VPS52: variants seen among roughly 807,000 people sequenced by gnomAD.
VPS52 encodes the protein vacuolar protein sorting-associated protein 52 homolog.
Under a neutral mutation model 98.7 loss-of-function variants are expected in VPS52, and 56 were observed. That is an observed-to-expected ratio of 0.57 (90% CI 0.46 to 0.71). VPS52 has a LOEUF of 0.71. Among genes scored for constraint, VPS52 ranks in the 30% least tolerant of loss-of-function variants. The probability of loss-of-function intolerance (pLI) is 0.00; values close to 1 mark genes in which losing one functional copy is unlikely to be tolerated. For missense variants in VPS52, 742 were observed against 925.9 expected, an observed-to-expected ratio of 0.80 and a Z score of 2.58; for synonymous variants, 348 against 346.4, an observed-to-expected ratio of 1.00 and a Z score of -0.05.
chr6:33,257,483 C>T (rs995894359), intron 17 of VPS52, among the ~76,000 whole-genome samples: 1 of 152,066 alleles, frequency 6.6e-6, no homozygotes, highest in Non-Finnish European at 1.5e-5. Context: ...ACTGCATCCT[C>T]CACCTCCCTG....
chr6:33,253,241 G>T (rs1762522727), intron 17 of VPS52, among the ~76,000 whole-genome samples: 1 of 152,176 alleles, frequency 6.6e-6, no homozygotes, highest in Non-Finnish European at 1.5e-5. Flanking sequence ...TGTAATCCCA[G>T]CATTTTGGGA....
At position 33,269,074 on chromosome 6, in the gene VPS52, G is replaced by A; in HGVS notation, c.488C>T (p.Ala163Val). Reference protein sequence around the residue: ...AMNIRLRNRQAVRGKLGELVD... With the variant: ...AMNIRLRNRQVVRGKLGELVD... The stretch of plus-strand genomic sequence containing the variant: ...AAGCTCCCCAAGTTTCCCCCGAACT[G>A]CCTGGCGATTTCGAAGTCGAATGTT... The change falls in exon 6 of 20, where the codon GCA becomes GTA. Residue 163 changes from alanine to valine, a missense_variant. Physicochemically the swap from Ala to Val is moderately conservative, Grantham distance 64. Coordinates refer to ENST00000445902, the MANE Select transcript of VPS52 (RefSeq NM_022553.6). The A allele has an allele frequency of 1.2e-6, 2 of 1,612,874 alleles. No individual in the cohort carries two copies. Among genetic ancestry groups the A allele is most frequent in the Non-Finnish European group, 1.7e-6 (2 of 1,179,954 alleles).
intron 17 of VPS52, among the ~76,000 whole-genome samples, chr6:33,257,776 T>C (rs1763165953): frequency 6.6e-6 from 1 of 151,834 alleles, no homozygotes; most frequent in Non-Finnish European, 1.5e-5. Context: ...GGGAGGCTGA[T>C]GCGGGAGGAT....
chr6:33,251,523 T>C lies in VPS52; in HGVS notation c.2020A>G (p.Ile674Val). ...FTNFRNGTSI[I>V]QGALTQLIQL... ...GCCTGGGACTTGCAGGTCACCTGAA[T>C]GATACTGGTGCCATTTCTGAAGTTG... is the stretch of plus-strand genomic sequence containing the variant. Residue 674 changes from isoleucine (I) to valine (V), a missense_variant, in exon 19 of 20, where the codon ATT becomes GTT. Physicochemically the swap from Ile to Val is conservative, Grantham distance 29. Coordinates refer to ENST00000445902, the MANE Select transcript of VPS52 (RefSeq NM_022553.6). The C allele has an allele frequency of 6.2e-7, 1 of 1,606,358 alleles. No individual in the cohort carries two copies. The highest frequency in any genetic ancestry group is 8.5e-7 in the Non-Finnish European group (1 of 1,173,784).
intron 17 of VPS52, among the ~76,000 whole-genome samples, chr6:33,261,486 T>G (rs1341229218): frequency 6.7e-6 from 1 of 148,534 alleles, no homozygotes; most frequent in Non-Finnish European, 1.5e-5. Flanking sequence ...AAAAGAGAGA[T>G]AGTCTCTTCA....
intron 12 of VPS52, among the ~76,000 whole-genome samples, 184 bp downstream of exon 12, chr6:33,266,373 T>A (rs1277164465): frequency 6.6e-6 from 1 of 152,042 alleles, no homozygotes; most frequent in Non-Finnish European, 1.5e-5. Flanking sequence ...GCTCAGGCAA[T>A]CCTACTGCCT....
rs996027129 is a variant in VPS52 at position 33,250,655 on chromosome 6, A to G, written c.*186T>C. ...GAAACCTGAAGACACTGGGATATTC[A>G]GAAGGCCAAGGGGATCCAGCTTATC... On this transcript the variant is annotated 3_prime_UTR_variant, in exon 20 of 20. Coordinates refer to ENST00000445902, the MANE Select transcript of VPS52 (RefSeq NM_022553.6). 8.2e-6 allele frequency: 6 copies of G among 733,720 alleles called. No individual in the cohort carries two copies. Among genetic ancestry groups the G allele is most frequent in the Non-Finnish European group, 1.3e-5 (6 of 466,218 alleles). The allele number at this position is 733,720 out of a possible 1,614,324, so 45.5% of individuals were successfully genotyped here. A position where few individuals can be genotyped will look rare whatever the true frequency, so the allele number is the denominator to read the frequency against.
Position 33,268,134 on chromosome 6 carries a change from G to A in VPS52, c.774C>T (p.Ile258=). ...SFRKPMTNYQ[I]PQTALLKYRF... ...TGTACTTCAGCAGGGCCGTCTGGGG[G>A]ATCTGATAGTTGGTCATGGGTTTCC... The change falls in exon 8 of 20, where the codon ATC becomes ATT. Residue 258 remains isoleucine (I), a synonymous_variant. Coordinates refer to ENST00000445902, the MANE Select transcript of VPS52 (RefSeq NM_022553.6). This position sits in a 1 kb window ranked among gnomAD's most constrained non-coding sequence, Gnocchi z 4.0. 1.2e-6 allele frequency: 2 copies of A among 1,613,072 alleles called. No individual in the cohort carries two copies. The highest frequency in any genetic ancestry group is 1.7e-6 in the Non-Finnish European group (2 of 1,180,034).
chr6:33,259,718 A>T (rs1023029283), intron 17 of VPS52, among the ~76,000 whole-genome samples: 5 of 152,168 alleles, frequency 3.3e-5, no homozygotes, highest in African/African-American at 1.2e-4. Flanking sequence ...GAAAAAAATC[A>T]AAATCTGAAA....
chr6:33,263,635 T>C lies in VPS52; in HGVS notation c.1729-86A>G, dbSNP rs1763934252. 5 of 1,583,536 alleles carry C rather than the reference T, an allele frequency of 3.2e-6. No homozygotes were observed. The East Asian group carries it at 1.1e-4, about 35-fold the overall frequency. ...CCCCTTCATTCCACACTTATTGTAC[T>C]AAGCTGGACACTGTGCCAGACTCCA... On this transcript the variant is annotated intron_variant, in intron 16 of 19. Transcript: ENST00000445902.
In VPS52 at chr6:33,268,674, G is replaced by A. The variant is rs1422790281; in HGVS notation, c.549-25C>T. On this transcript the variant is annotated intron_variant, in intron 6 of 19. Transcript: ENST00000445902. This position sits in a 1 kb window ranked among gnomAD's most constrained non-coding sequence, Gnocchi z 4.0. ...CCTGGTTAGCAGGGAGGGGTGGGAT[G>A]AGTTACAAGGGAGACCCAGACATCC... The A allele has an allele frequency of 2.5e-6, 4 of 1,581,892 alleles. No individual in the cohort carries two copies. Among genetic ancestry groups the A allele is most frequent in the Non-Finnish European group, 3.4e-6 (4 of 1,169,524 alleles).
chr6:33,263,736 C>T (rs1196102657), intron 16 of VPS52, 36 bp downstream of exon 16: 5 of 1,613,112 alleles, frequency 3.1e-6, no homozygotes, highest in Non-Finnish European at 4.2e-6. Context: ...ACCGAATTTT[C>T]TGGGTAGGAA....
chr6:33,251,644 C>G lies in VPS52; in HGVS notation c.1907-8G>C, dbSNP rs754096935. 1 of 1,601,572 alleles carries G rather than the reference C, an allele frequency of 6.2e-7. No individual in the cohort carries two copies. Among genetic ancestry groups the G allele is most frequent in the Non-Finnish European group, 8.5e-7 (1 of 1,169,974 alleles). ...TCAGCTGAGTTACCCGGGCTAATAG[C>G]AGGAGGAAACAGTGTCAGAGAGGGA... On this transcript the variant is annotated splice_region_variant and splice_polypyrimidine_tract_variant and intron_variant, in intron 18 of 19. Coordinates refer to ENST00000445902, the MANE Select transcript of VPS52 (RefSeq NM_022553.6).
chr6:33,270,111 T>G, intron 2 of VPS52, 60 bp from the exon 3 acceptor site: 1 of 1,612,920 alleles, frequency 6.2e-7, no homozygotes, highest in Non-Finnish European at 8.5e-7. Flanking sequence ...CCACATTGAG[T>G]ATCTGCACAC....
chr6:33,270,093 C>G, intron 2 of VPS52, 42 bp from the exon 3 acceptor site: 1 of 1,613,740 alleles, frequency 6.2e-7, no homozygotes, highest in Non-Finnish European at 8.5e-7. Flanking sequence ...CTCCACAGCT[C>G]CCTCTCCCCA....
chr6:33,267,510 T>A lies in VPS52; in HGVS notation c.991+172A>T. The A allele has an allele frequency of 8.3e-7, 1 of 1,201,624 alleles. No individual in the cohort carries two copies. Among genetic ancestry groups the A allele is most frequent in the Non-Finnish European group, 1.2e-6 (1 of 852,366 alleles). 74.4% of individuals were successfully genotyped at this position (1,201,624 alleles called of 1,614,324 possible). A position where few individuals can be genotyped will look rare whatever the true frequency, so the allele number is the denominator to read the frequency against. ...CCTCCCTTGCAATCATATGCAAAAC[T>A]ATGTGTCAAAATAATGTGTGCATCT... On this transcript the variant is annotated intron_variant, in intron 10 of 19. Transcript: ENST00000445902. The surrounding 1 kb of genome is among the most constrained non-coding windows in gnomAD (Gnocchi z 4.2).
rs375637968 is a variant in VPS52, at chr6:33,265,093, A to T, written c.1282-193T>A. Among the ~76,000 whole-genome samples the T allele has an allele frequency of 2.9e-4, 44 of 151,800 alleles. No individual in the cohort carries two copies. In the East Asian group the frequency reaches 3.7e-3, roughly 13 times the overall value. On this transcript the variant is annotated intron_variant, in intron 12 of 19. Coordinates refer to ENST00000445902, the MANE Select transcript of VPS52 (RefSeq NM_022553.6). ...TTTGGCTTTTTTTTTGTTTTTTGAG[A>T]TAGAGTTTCACTCTTGCCACCCAAG...
chr6:33,263,969 A>T, intron 15 of VPS52, 39 bp downstream of exon 15: 1 of 1,613,930 alleles, frequency 6.2e-7, no homozygotes, highest in Non-Finnish European at 8.5e-7. Context: ...CACTGGAAGC[A>T]GCCCTGCTGC....
In VPS52 at chr6:33,263,850, C is replaced by T. The variant is rs1763956610; in HGVS notation, c.1650G>A (p.Val550=). Residue 550 remains valine (V), a synonymous_variant, in exon 16 of 20, where the codon GTG becomes GTA. Coordinates refer to ENST00000445902, the MANE Select transcript of VPS52 (RefSeq NM_022553.6). The part of the protein sequence containing the change: ...QVEVENFVLR[V]AAEFSSRKEQ... ...CCTTCCTTGAGGAGAACTCAGCTGC[C>T]ACTCGGAGGACAAAATTCTCCACCT... The T allele has an allele frequency of 1.2e-6, 2 of 1,614,174 alleles. No homozygotes were observed. The highest frequency in any genetic ancestry group is 4.5e-5 in the East Asian group (2 of 44,890).
Sources: allele counts gnomAD v4.1 joint callset (sites outside exome capture counted in the v4.1 genomes callset), GRCh38; gene constraint gnomAD v4.1.1; non-coding constraint Gnocchi (gnomAD v3.1); transcripts MANE v1.5; gene names NCBI Gene and HGNC (gene_info 2026-07-23, HGNC 2026-07-21).